Variants in RIMS1 observed in about 807,000 individuals in gnomAD.
RIMS1 encodes the protein regulating synaptic membrane exocytosis protein 1.
A neutral mutation model predicts 214.1 loss-of-function variants in RIMS1; 83 were observed. That is an observed-to-expected ratio of 0.39 (90% CI 0.32 to 0.47). The LOEUF is 0.47. Among genes scored for constraint, RIMS1 ranks in the 20% least tolerant of loss-of-function variants. RIMS1 has a pLI of 0.99. For synonymous variants in RIMS1, 793 were observed against 786.8 expected, an observed-to-expected ratio of 1.01 and a Z score of -0.13; for missense variants, 2,050 against 2,161.8, an observed-to-expected ratio of 0.95 and a Z score of 1.03.
At chr6:71,920,885 G>C (rs1779768831) in intron 1 of RIMS1, among the ~76,000 whole-genome samples, 1 of 152,144 alleles carries the variant, frequency 6.6e-6, no homozygotes, top group Non-Finnish European at 1.5e-5. Flanking sequence ...CAACAAATAA[G>C]GTGTTGTAAT....
chr6:72,063,315 C>T (rs1347925238), intron 2 of RIMS1, among the ~76,000 whole-genome samples: 2 of 152,080 alleles, frequency 1.3e-5, no homozygotes, highest in African/African-American at 4.8e-5. Context: ...CACAGAAATG[C>T]AAGTGATGGG....
intron 4 of RIMS1, among the ~76,000 whole-genome samples, chr6:72,176,313 G>A (rs2153963227): frequency 6.6e-6 from 1 of 152,202 alleles, no homozygotes; most frequent in South Asian, 2.1e-4. Context: ...TGTTAAAAAT[G>A]ACTCCCTACA....
Position 72,223,221 on chromosome 6 carries a change from T to G in RIMS1, c.1679-10552T>G, listed in dbSNP as rs539761623. On this transcript the variant is annotated intron_variant, in intron 6 of 33. Transcript: ENST00000521978. ...TGCCAGATGAGAAGACCTTTTCACT[T>G]ACTTCCCATCCTTTGGCAAGACTCT... Among the ~76,000 whole-genome samples the G allele has an allele frequency of 1.6e-3, 251 of 152,356 alleles. 2 individuals carry two copies. Among genetic ancestry groups the G allele is most frequent in the African/African-American group, 5.5e-3 (230 of 41,580 alleles).
At chr6:71,901,677 T>G (rs759890099) in intron 1 of RIMS1, among the ~76,000 whole-genome samples, 22 of 152,152 alleles carry the variant, frequency 1.4e-4, no homozygotes, top group Non-Finnish European at 2.6e-4. Context: ...TGTAAATATC[T>G]TAAATATTGA....
chr6:72,217,300 T>G, intron 6 of RIMS1: 2 of 1,413,672 alleles, frequency 1.4e-6, no homozygotes, highest in Non-Finnish European at 1.9e-6. Flanking sequence ...ATTTATTGTT[T>G]AATTATCCAA....
At chr6:71,981,458 A>G (rs1798455541) in intron 2 of RIMS1, among the ~76,000 whole-genome samples, 2 of 152,132 alleles carry the variant, frequency 1.3e-5, no homozygotes, top group Admixed American at 1.3e-4. Context: ...GAAGACAAGA[A>G]TACCATAGGA....
Position 72,171,918 on chromosome 6 carries a change from A to G in RIMS1, c.472-7657A>G, listed in dbSNP as rs61153110. Among the ~76,000 whole-genome samples, 706 of 152,332 alleles carry G rather than the reference A, an allele frequency of 4.6e-3. 4 individuals carry two copies. The highest frequency in any genetic ancestry group is 0.015 in the African/African-American group (608 of 41,576). On this transcript the variant is annotated intron_variant, in intron 4 of 33. Coordinates refer to ENST00000521978, the MANE Select transcript of RIMS1 (RefSeq NM_014989.7). ...ATAGTCAATGAAAATAAAAGTGAAT[A>G]TTTATAAAAGCACTTTCTGAGCTAA... is the stretch of plus-strand genomic sequence containing the variant.
intron 1 of RIMS1, among the ~76,000 whole-genome samples, chr6:71,938,976 C>G (rs1408343540): frequency 6.6e-6 from 1 of 152,026 alleles, no homozygotes; most frequent in African/African-American, 2.4e-5. Flanking sequence ...CATTTCTTTC[C>G]TCTCACATCT....
chr6:72,125,587 C>G (rs1362512915), intron 4 of RIMS1, among the ~76,000 whole-genome samples: 2 of 152,256 alleles, frequency 1.3e-5, no homozygotes, highest in Non-Finnish European at 2.9e-5. Context: ...ACCCTGCCCC[C>G]AGAGGTGGAG....
In RIMS1 at chr6:72,108,807, G is replaced by A. The variant is rs368054764; in HGVS notation, c.471+8821G>A. Among the ~76,000 whole-genome samples the A allele has an allele frequency of 4.7e-5, 7 of 149,892 alleles. No homozygotes were observed. In the East Asian group the frequency reaches 1.2e-3, roughly 25 times the overall value. On this transcript the variant is annotated intron_variant, in intron 4 of 33. Coordinates refer to ENST00000521978, the MANE Select transcript of RIMS1 (RefSeq NM_014989.7). ...GCTGGTGTGCTGCACCCATTAACTC[G>A]TCATTTAGCATTAGGTATATCTCCT...
intron 6 of RIMS1, among the ~76,000 whole-genome samples, chr6:72,229,470 G>C (rs1241226331): frequency 6.6e-6 from 1 of 151,814 alleles, no homozygotes. Context: ...GCATTTTATT[G>C]TAATGCCTAG....
Position 72,139,167 on chromosome 6 carries a change from C to T in RIMS1, c.471+39181C>T, listed in dbSNP as rs574437682. On this transcript the variant is annotated intron_variant, in intron 4 of 33. Coordinates refer to ENST00000521978, the MANE Select transcript of RIMS1 (RefSeq NM_014989.7). Reference sequence around the variant, plus strand: ...TGTTGGAAGGATACATATGAAAAGACTCTGGCCTTTTCTAGGACCTAAAAA... The same window carrying T: ...TGTTGGAAGGATACATATGAAAAGATTCTGGCCTTTTCTAGGACCTAAAAA... Among the ~76,000 whole-genome samples the T allele has an allele frequency of 9.9e-5, 15 of 152,174 alleles. No homozygotes were observed. In the South Asian group the frequency reaches 2.9e-3, roughly 29 times the overall value.
chr6:72,255,657 G>A (rs2075492072), intron 16 of RIMS1, among the ~76,000 whole-genome samples: 1 of 152,088 alleles, frequency 6.6e-6, no homozygotes. Flanking sequence ...CTGAGGTGAG[G>A]AATCTAGCAA....
chr6:72,149,434 C>T (rs1341348964), intron 4 of RIMS1, among the ~76,000 whole-genome samples: 1 of 152,240 alleles, frequency 6.6e-6, no homozygotes, highest in African/African-American at 2.4e-5. Flanking sequence ...TGGCCAGATG[C>T]CTTCAGTTTC....
chr6:72,372,175 A>T (rs1451067638), intron 29 of RIMS1, among the ~76,000 whole-genome samples: 1 of 152,206 alleles, frequency 6.6e-6, no homozygotes, highest in Non-Finnish European at 1.5e-5. Context: ...ACAGGCCATA[A>T]ACATGTGTTG....
chr6:72,247,925 G>A (rs139074792), intron 11 of RIMS1, 90 bp from the exon 12 acceptor site: 41 of 820,576 alleles, frequency 5.0e-5, no homozygotes, highest in Non-Finnish European at 7.9e-5. Flanking sequence ...TAGTAATTAT[G>A]GTTTTATACA....
chr6:72,259,129 G>A lies in RIMS1; in HGVS notation c.3053+18G>A. On this transcript the variant is annotated intron_variant, in intron 18 of 33. Transcript: ENST00000521978. ...CAAGACAGGTATTTGTCAAAATTAT[G>A]ATCTCAACGTTATGAATTTTTTGTT... The A allele has an allele frequency of 6.2e-7, 1 of 1,606,154 alleles. No individual in the cohort carries two copies. The highest frequency in any genetic ancestry group is 8.5e-7 in the Non-Finnish European group (1 of 1,174,380).
At chr6:72,335,847 C>G (rs1006031070) in intron 29 of RIMS1, among the ~76,000 whole-genome samples, 1 of 151,574 alleles carries the variant, frequency 6.6e-6, no homozygotes, top group East Asian at 1.9e-4. Flanking sequence ...TTTTTTCATA[C>G]GTTTGTTGGC....
At chr6:72,312,500 T>A (rs2095560311) in intron 27 of RIMS1, among the ~76,000 whole-genome samples, 1 of 151,998 alleles carries the variant, frequency 6.6e-6, no homozygotes, top group Admixed American at 6.6e-5. Context: ...GAAATAAGAG[T>A]AGCTTAACTG....
Sources: allele counts gnomAD v4.1 joint callset (sites outside exome capture counted in the v4.1 genomes callset), GRCh38; gene constraint gnomAD v4.1.1; transcripts MANE v1.5; gene names NCBI Gene and HGNC (gene_info 2026-07-23, HGNC 2026-07-21).